DGKI: variants seen among roughly 807,000 people sequenced by gnomAD.
DGKI encodes the protein DAG kinase iota.
In DGKI, 55 loss-of-function variants were observed where a neutral mutation model predicts 147.5. That is an observed-to-expected ratio of 0.37 (90% confidence interval 0.30 to 0.47). The LOEUF (loss-of-function observed/expected upper bound fraction) is 0.47, where lower values mean the gene tolerates loss of function less well. DGKI is among the 20% of genes least tolerant of loss of function. The pLI is 1.00. For missense variants in DGKI, 1,007 were observed against 1,323.8 expected (o/e 0.76, Z 3.71); for synonymous variants, 469 against 477.1 (o/e 0.98, Z 0.22).
At chr7:137,686,546 G>C (rs888008216) in intron 2 of DGKI, among the ~76,000 whole-genome samples, 2 of 152,240 alleles carry the variant, frequency 1.3e-5, no homozygotes, top group African/African-American at 4.8e-5. Flanking sequence ...CACAGCAGGA[G>C]AGAATGTTTG....
chr7:137,489,411 A>G (rs761571192), intron 21 of DGKI, among the ~76,000 whole-genome samples: 1 of 152,188 alleles, frequency 6.6e-6, no homozygotes, highest in Non-Finnish European at 1.5e-5. Flanking sequence ...TAATCATTCT[A>G]AAAGAATATT....
intron 27 of DGKI, among the ~76,000 whole-genome samples, chr7:137,455,324 T>G (rs1398374727): frequency 3.3e-5 from 5 of 151,892 alleles, no homozygotes; most frequent in African/African-American, 1.2e-4. Flanking sequence ...TTCGAGGAGC[T>G]CTGTGAAAAA....
Position 137,388,965 on chromosome 7 carries a change from A to C in DGKI, c.*2255T>G, listed in dbSNP as rs1811264683. On this transcript the variant is annotated 3_prime_UTR_variant, in exon 33 of 33. Coordinates refer to ENST00000614521, the MANE Select transcript of DGKI (RefSeq NM_001321708.2). ...AATTTTCTCTGGGCTACTTGGAAGTATTTAGAGAAATGTGAGATGGTAGTT... is the reference window on the plus strand; with the variant it reads ...AATTTTCTCTGGGCTACTTGGAAGTCTTTAGAGAAATGTGAGATGGTAGTT... 6.6e-6 allele frequency: 1 copy of C among 152,162 alleles called. No homozygotes were observed. The highest frequency in any genetic ancestry group is 1.5e-5 in the Non-Finnish European group (1 of 68,028). The allele number at this position is 152,162 out of a possible 1,614,324, so 9.4% of individuals were successfully genotyped here. A position where few individuals can be genotyped will look rare whatever the true frequency, so the allele number is the denominator to read the frequency against.
chr7:137,753,646 C>T (rs1394445211), intron 1 of DGKI, among the ~76,000 whole-genome samples: 2 of 152,118 alleles, frequency 1.3e-5, no homozygotes, highest in East Asian at 1.9e-4. Flanking sequence ...ATTTGCTTTC[C>T]ACTCTCTTTG....
intron 1 of DGKI, among the ~76,000 whole-genome samples, chr7:137,736,354 G>C (rs35383906): frequency 0.26 from 39,317 of 151,934 alleles, 5,356 homozygotes; most frequent in Middle Eastern, 0.36. Context: ...AGGGGTTCTG[G>C]AGCCAAATAA....
At chr7:137,563,136 T>C (rs1818472455) in intron 19 of DGKI, among the ~76,000 whole-genome samples, 2 of 151,916 alleles carry the variant, frequency 1.3e-5, no homozygotes, top group African/African-American at 4.8e-5. Context: ...ATTAGTGATA[T>C]AAACAAAAGA....
chr7:137,573,290 G>T (rs535457596), intron 17 of DGKI, among the ~76,000 whole-genome samples: 3 of 151,982 alleles, frequency 2.0e-5, no homozygotes, highest in African/African-American at 7.3e-5. Context: ...TATTTTCTTC[G>T]TTTTTTGAGA....
chr7:137,685,689 T>C (rs539210559), intron 2 of DGKI, among the ~76,000 whole-genome samples: 149 of 152,264 alleles, frequency 9.8e-4, no homozygotes, highest in Non-Finnish European at 1.6e-3. Flanking sequence ...ACAGGCATCA[T>C]CCAGTGTCAG....
At position 137,572,750 on chromosome 7, in the gene DGKI, A is replaced by G. The variant is rs201521013; in HGVS notation, c.1835+15T>C. ...GTTCACGTCAAACCAAGGAAACAAT[A>G]CAAACAGAGCCTACCTGGGTATATT... On this transcript the variant is annotated intron_variant, in intron 18 of 32. Coordinates refer to ENST00000614521, the MANE Select transcript of DGKI (RefSeq NM_001321708.2). The G allele has an allele frequency of 1.8e-4, 282 of 1,567,534 alleles. 1 individual carries two copies. The African/African-American group carries it at 3.5e-3, about 20-fold the overall frequency.
chr7:137,504,992 G>A (rs941395689), intron 21 of DGKI, among the ~76,000 whole-genome samples: 1 of 151,808 alleles, frequency 6.6e-6, no homozygotes, highest in East Asian at 1.9e-4. Context: ...ATAAAAGACT[G>A]GTATCCCATC....
At chr7:137,679,145 T>A (rs1200521436) in intron 2 of DGKI, among the ~76,000 whole-genome samples, 1 of 152,204 alleles carries the variant, frequency 6.6e-6, no homozygotes, top group Non-Finnish European at 1.5e-5. Context: ...GTAAATTATA[T>A]TTCTAAGGGC....
At chr7:137,455,641 G>GT (rs1554407061) in intron 27 of DGKI, among the ~76,000 whole-genome samples, 1 of 111,444 alleles carries the variant, frequency 9.0e-6, no homozygotes, top group Non-Finnish European at 1.8e-5. Flanking sequence ...AAAAAAAAAG[G>GT]GGGGGGGGCG....
chr7:137,426,147 G>A (rs530958380), intron 28 of DGKI, among the ~76,000 whole-genome samples: 1 of 152,320 alleles, frequency 6.6e-6, no homozygotes, highest in South Asian at 2.1e-4. Flanking sequence ...GGCAGCCAGA[G>A]AGGCAGGTTG....
chr7:137,627,200 C>T (rs1007879716), intron 6 of DGKI, among the ~76,000 whole-genome samples: 4 of 152,196 alleles, frequency 2.6e-5, no homozygotes, highest in African/African-American at 9.7e-5. Context: ...CTACAAGAGT[C>T]TTCCAAAATA....
chr7:137,777,392 T>C (rs1289779764), intron 1 of DGKI, among the ~76,000 whole-genome samples: 1 of 152,146 alleles, frequency 6.6e-6, no homozygotes, highest in African/African-American at 2.4e-5. Flanking sequence ...TATGATTATG[T>C]AGCAGTCAAA....
intron 1 of DGKI, among the ~76,000 whole-genome samples, chr7:137,793,170 C>T (rs1317847118): frequency 6.6e-6 from 1 of 152,162 alleles, no homozygotes; most frequent in Non-Finnish European, 1.5e-5. Flanking sequence ...GAGCAACGTT[C>T]GTTCCTCTGT....
intron 23 of DGKI, among the ~76,000 whole-genome samples, chr7:137,479,982 C>T (rs1815316203): frequency 6.6e-6 from 1 of 152,120 alleles, no homozygotes; most frequent in Non-Finnish European, 1.5e-5. Flanking sequence ...ACTCATGACT[C>T]CTACAGTGGA....
At chr7:137,622,304 C>T (rs1411473390) in intron 7 of DGKI, among the ~76,000 whole-genome samples, 2 of 152,136 alleles carry the variant, frequency 1.3e-5, no homozygotes, top group Non-Finnish European at 2.9e-5. Flanking sequence ...TGTTCCAGCC[C>T]CATGGCCTGT....
At chr7:137,838,637 T>C (rs887460532) in intron 1 of DGKI, among the ~76,000 whole-genome samples, 3 of 152,220 alleles carry the variant, frequency 2.0e-5, no homozygotes, top group Non-Finnish European at 2.9e-5. Flanking sequence ...AAAGACTACA[T>C]GATACACAAA....
Sources: allele counts gnomAD v4.1 joint callset (sites outside exome capture counted in the v4.1 genomes callset), GRCh38; gene constraint gnomAD v4.1.1; transcripts MANE v1.5; gene names NCBI Gene and HGNC (gene_info 2026-07-23, HGNC 2026-07-21).